ZFR: variants seen among roughly 807,000 people sequenced by gnomAD.
ZFR encodes zinc finger RNA binding protein.
Under a neutral mutation model 130.7 loss-of-function variants are expected in ZFR, and 19 were observed. The observed-to-expected ratio is 0.15, with a 90% CI of 0.10 to 0.21. ZFR has a LOEUF of 0.21. Ranked by LOEUF, ZFR falls within the 10% of genes least tolerant of loss-of-function variation. The pLI is 1.00. For synonymous variants in ZFR, 466 were observed against 456.9 expected, an observed-to-expected ratio of 1.02 and a Z score of -0.25; for missense variants, 872 against 1,321.5, an observed-to-expected ratio of 0.66 and a Z score of 5.27.
At chr5:32,397,407 T>C in intron 9 of ZFR, 69 bp from the exon 10 acceptor site, 2 of 1,557,254 alleles carry the variant, frequency 1.3e-6, no homozygotes, top group South Asian at 1.2e-5. Context: ...CCCCCACATA[T>C]TATTTGATGA....
At chr5:32,414,319 A>G (rs1753774617) in intron 5 of ZFR, among the ~76,000 whole-genome samples, 1 of 152,238 alleles carries the variant, frequency 6.6e-6, no homozygotes, top group South Asian at 2.1e-4. Context: ...ACAAAAGCTG[A>G]GTCTCTACAA....
intron 17 of ZFR, among the ~76,000 whole-genome samples, chr5:32,377,196 C>T (rs552229951): frequency 6.8e-6 from 1 of 146,742 alleles, no homozygotes; most frequent in Non-Finnish European, 1.5e-5. Context: ...AACTTTCCTT[C>T]TCTTTCTTTA....
intron 2 of ZFR, among the ~76,000 whole-genome samples, chr5:32,428,295 T>C (rs1046632627): frequency 3.3e-5 from 5 of 152,218 alleles, no homozygotes; most frequent in Non-Finnish European, 4.4e-5. Context: ...ATGCCTGTAG[T>C]CCCAGCTACT....
At chr5:32,377,749 C>G (rs1338947966) in intron 17 of ZFR, among the ~76,000 whole-genome samples, 3 of 151,660 alleles carry the variant, frequency 2.0e-5, no homozygotes, top group Non-Finnish European at 2.9e-5. Context: ...GATAGTGGCA[C>G]AATCTCGGCT....
intron 2 of ZFR, among the ~76,000 whole-genome samples, chr5:32,427,295 G>A (rs1314619595): frequency 6.7e-6 from 1 of 149,344 alleles, no homozygotes; most frequent in Admixed American, 6.7e-5. Context: ...TGGGTGGCTG[G>A]GATCACCTGA....
At chr5:32,419,547 A>G (rs1753906857) in intron 3 of ZFR, among the ~76,000 whole-genome samples, 1 of 152,128 alleles carries the variant, frequency 6.6e-6, no homozygotes, top group Non-Finnish European at 1.5e-5. Flanking sequence ...CATGTTGGAC[A>G]CGCTGGTCTT....
intron 17 of ZFR, among the ~76,000 whole-genome samples, chr5:32,371,219 C>T (rs761531741): frequency 3.5e-4 from 53 of 151,970 alleles, no homozygotes; most frequent in Non-Finnish European, 7.2e-4. Context: ...AAAATAAAGA[C>T]ATTAGTCAGG....
In ZFR at chr5:32,438,382, G is replaced by A. The variant is rs556359088; in HGVS notation, c.137+5847C>T. Among the ~76,000 whole-genome samples, 4 of 149,480 alleles carry A rather than the reference G, an allele frequency of 2.7e-5. No homozygotes were observed. In the East Asian group the frequency reaches 8.0e-4, roughly 30 times the overall value. ...GGATTCAAGCTATTCTCCTGCCTCA[G>A]CCTCCCGAGTAGCTGGGATTACAGG... On this transcript the variant is annotated intron_variant, in intron 2 of 19. Transcript: ENST00000265069.
At chr5:32,386,061 C>T (rs1753039972) in intron 14 of ZFR, among the ~76,000 whole-genome samples, 1 of 152,038 alleles carries the variant, frequency 6.6e-6, no homozygotes, top group African/African-American at 2.4e-5. Context: ...TATCAGGGAG[C>T]AGAAAGTCTC....
chr5:32,395,615 CACT>C (rs1275045160), intron 10 of ZFR, among the ~76,000 whole-genome samples: 1 of 152,148 alleles, frequency 6.6e-6, no homozygotes, highest in Non-Finnish European at 1.5e-5. Flanking sequence ...TATATGAATA[CACT>C]TACATCTATG....
Position 32,420,082 on chromosome 5 carries a change from T to A in ZFR, c.159A>T (p.Val53=). 6.3e-7 allele frequency: 1 copy of A among 1,588,840 alleles called. No individual in the cohort carries two copies. Among genetic ancestry groups the A allele is most frequent in the Non-Finnish European group, 8.6e-7 (1 of 1,162,772 alleles). Residue 53 remains valine (V), a synonymous_variant, in exon 3 of 20, where the codon GTA becomes GTT. Coordinates refer to ENST00000265069, the MANE Select transcript of ZFR (RefSeq NM_016107.5). Reference sequence around the variant, plus strand: ...CAACTGTAGTTGGATGAGAATAGGCTACACCCGAAGCTGGCTGCTGGCTAC... The same window carrying A: ...CAACTGTAGTTGGATGAGAATAGGCAACACCCGAAGCTGGCTGCTGGCTAC... ...AQYSQQPASG[V]AYSHPTTVAS... is the part of the protein sequence containing the mutation.
chr5:32,427,252 G>A (rs769163389), intron 2 of ZFR, among the ~76,000 whole-genome samples: 70 of 151,484 alleles, frequency 4.6e-4, no homozygotes, highest in Admixed American at 1.3e-3. Context: ...AATTAGTGGC[G>A]CATGATGACA....
chr5:32,415,523 C>CGCGCGCGTGCGCGCGCGCGT (rs1554073623), intron 4 of ZFR, among the ~76,000 whole-genome samples: 3 of 132,106 alleles, frequency 2.3e-5, no homozygotes, highest in Admixed American at 7.4e-5. Flanking sequence ...TGTGCGCGCG[C>CGCGCGCGTGCGCGCGCGCGT]GCGCGCGCGC....
In ZFR at chr5:32,360,745, T is replaced by G. The variant is rs73070001; in HGVS notation, c.3045+3203A>C. Among the ~76,000 whole-genome samples, 742 of 152,328 alleles carry G rather than the reference T, an allele frequency of 4.9e-3. 8 individuals carry two copies. Among genetic ancestry groups the G allele is most frequent in the African/African-American group, 0.017 (697 of 41,566 alleles). On this transcript the variant is annotated intron_variant, in intron 19 of 19. Coordinates refer to ENST00000265069, the MANE Select transcript of ZFR (RefSeq NM_016107.5). The stretch of plus-strand genomic sequence containing the variant: ...ATCCATGTTTAACTTACTGAGGAGC[T>G]GCTAACCTGTTTCTCTTTTCCTTTT...
At position 32,407,002 on chromosome 5, in the gene ZFR, A is replaced by G; in HGVS notation, c.804T>C (p.Tyr268=). ...ATGCAGCTGAATACACTGCTGCTTC[A>G]TAACCTGAATAAGACGTACCTTACA... is the stretch of plus-strand genomic sequence containing the variant. ...VTYSGTSYSG[Y]EAAVYSAASS... is the part of the protein sequence containing the mutation. The change falls in exon 6 of 20, where the codon TAT becomes TAC. Residue 268 remains tyrosine (Y), a synonymous_variant. Transcript: ENST00000265069. The G allele has an allele frequency of 6.5e-7, 1 of 1,544,462 alleles. No individual in the cohort carries two copies. The highest frequency in any genetic ancestry group is 2.0e-4 in the Middle Eastern group (1 of 4,898).
rs749525773 is a variant in ZFR, at chr5:32,444,187, G to A, written c.137+42C>T. 40 of 1,582,570 alleles carry A rather than the reference G, an allele frequency of 2.5e-5. No individual in the cohort carries two copies. In the African/African-American group the frequency reaches 5.3e-4, roughly 21 times the overall value. ...CGCATCGACAGGATCCGGACCGAGG[G>A]GAGAGCAAGGGGCGAACAGAGAGAA... On this transcript the variant is annotated intron_variant, in intron 2 of 19. Coordinates refer to ENST00000265069, the MANE Select transcript of ZFR (RefSeq NM_016107.5).
intron 15 of ZFR, among the ~76,000 whole-genome samples, chr5:32,380,727 C>T (rs188054849): frequency 0.01 from 1,438 of 141,226 alleles, 20 homozygotes; most frequent in South Asian, 0.047. Context: ...CAGATCACTG[C>T]AACCTCGGCC....
chr5:32,391,832 C>T (rs1318166497), intron 11 of ZFR, among the ~76,000 whole-genome samples: 2 of 151,944 alleles, frequency 1.3e-5, no homozygotes, highest in Non-Finnish European at 2.9e-5. Context: ...CTCCCATGAT[C>T]AGGTGATCCT....
At chr5:32,378,890 CAA>C (rs1467306549) in intron 17 of ZFR, among the ~76,000 whole-genome samples, 1 of 150,030 alleles carries the variant, frequency 6.7e-6, no homozygotes, top group Non-Finnish European at 1.5e-5. Flanking sequence ...GTGAAAACAG[CAA>C]AAAGAAAAAA....
Sources: allele counts gnomAD v4.1 joint callset (sites outside exome capture counted in the v4.1 genomes callset), GRCh38; gene constraint gnomAD v4.1.1; transcripts MANE v1.5; gene names NCBI Gene and HGNC (gene_info 2026-07-23, HGNC 2026-07-21).